The following ZMAT4 variants were observed in gnomAD, a reference collection of about 807,000 sequenced individuals.
ZMAT4 encodes zinc finger matrin-type 4, also known as zinc finger matrin-type protein 4.
A neutral mutation model predicts 28.7 loss-of-function variants in ZMAT4; 17 were observed. The observed-to-expected ratio is 0.59, with a 90% CI of 0.41 to 0.89. The LOEUF is 0.89. Ranked by LOEUF, ZMAT4 falls within the 40% of genes least tolerant of loss-of-function variation. The pLI is 0.00. For synonymous variants in ZMAT4, 117 were observed against 109.2 expected, an observed-to-expected ratio of 1.07 and a Z score of -0.44; for missense variants, 240 against 283.8, an observed-to-expected ratio of 0.85 and a Z score of 1.11.
At chr8:40,717,392 C>T (rs1317983852) in intron 3 of ZMAT4, among the ~76,000 whole-genome samples, 3 of 152,112 alleles carry the variant, frequency 2.0e-5, no homozygotes, top group East Asian at 1.9e-4. Flanking sequence ...CAGTGGCTCA[C>T]GCCTGTAATC....
intron 2 of ZMAT4, among the ~76,000 whole-genome samples, chr8:40,787,807 G>C (rs1286873202): frequency 6.6e-6 from 1 of 152,166 alleles, no homozygotes; most frequent in African/African-American, 2.4e-5. Context: ...TGGATGGTGT[G>C]AGGTTTCATG....
chr8:40,679,597 A>C (rs1198971286), intron 4 of ZMAT4, among the ~76,000 whole-genome samples: 1 of 152,210 alleles, frequency 6.6e-6, no homozygotes, highest in African/African-American at 2.4e-5. Flanking sequence ...CACTATCACT[A>C]GAACAACAGT....
intron 3 of ZMAT4, among the ~76,000 whole-genome samples, chr8:40,760,054 C>T (rs2150554811): frequency 6.6e-6 from 1 of 152,226 alleles, no homozygotes; most frequent in East Asian, 1.9e-4. Flanking sequence ...GAACTTTGTC[C>T]CACTCTTATG....
At chr8:40,709,709 T>C (rs967816466) in intron 3 of ZMAT4, among the ~76,000 whole-genome samples, 1 of 152,190 alleles carries the variant, frequency 6.6e-6, no homozygotes, top group Non-Finnish European at 1.5e-5. Context: ...TTGATTTTAA[T>C]AACCAAAATG....
At chr8:40,754,193 T>C (rs1413080264) in intron 3 of ZMAT4, among the ~76,000 whole-genome samples, 2 of 150,126 alleles carry the variant, frequency 1.3e-5, no homozygotes, top group Non-Finnish European at 3.0e-5. Context: ...GAAAAAAGGT[T>C]TAACAAATGG....
At chr8:40,621,736 C>T (rs1452253537) in intron 5 of ZMAT4, among the ~76,000 whole-genome samples, 2 of 152,172 alleles carry the variant, frequency 1.3e-5, no homozygotes, top group African/African-American at 4.8e-5. Flanking sequence ...TGCACATTTC[C>T]TCTTTGGATT....
intron 1 of ZMAT4, among the ~76,000 whole-genome samples, chr8:40,881,598 G>GAAAGA (rs1563264173): frequency 1.1e-5 from 1 of 88,940 alleles, no homozygotes; most frequent in African/African-American, 4.4e-5. Context: ...AAGAAAGAAA[G>GAAAGA]AAAAGAAAAG....
intron 3 of ZMAT4, among the ~76,000 whole-genome samples, chr8:40,742,749 GCACACA>G (rs10533331): frequency 0.063 from 352 of 5,568 alleles, no homozygotes; most frequent in Admixed American, 0.12. Flanking sequence ...GTGCACGCAT[GCACACA>G]CACACACACA....
At chr8:40,811,361 C>T (rs1322819645) in intron 2 of ZMAT4, among the ~76,000 whole-genome samples, 1 of 152,188 alleles carries the variant, frequency 6.6e-6, no homozygotes, top group Non-Finnish European at 1.5e-5. Flanking sequence ...GATACATGAT[C>T]TGTGCAAGAC....
intron 1 of ZMAT4, among the ~76,000 whole-genome samples, chr8:40,865,463 G>A (rs151317490): frequency 6.6e-6 from 1 of 152,320 alleles, no homozygotes; most frequent in Non-Finnish European, 1.5e-5. Context: ...CTTCCAGGCA[G>A]GATGTGGCTT....
intron 5 of ZMAT4, among the ~76,000 whole-genome samples, chr8:40,606,786 C>T (rs1805605664): frequency 6.6e-6 from 1 of 152,194 alleles, no homozygotes; most frequent in Non-Finnish European, 1.5e-5. Flanking sequence ...TGATTATTCC[C>T]TCAAATATGT....
chr8:40,755,765 A>C (rs1319113402), intron 3 of ZMAT4, among the ~76,000 whole-genome samples: 1 of 152,124 alleles, frequency 6.6e-6, no homozygotes, highest in Non-Finnish European at 1.5e-5. Flanking sequence ...AATTTCATGT[A>C]ATTTTTATGA....
chr8:40,759,836 C>T (rs1812853277), intron 3 of ZMAT4, among the ~76,000 whole-genome samples: 2 of 152,196 alleles, frequency 1.3e-5, no homozygotes. Context: ...CAAAGACCAA[C>T]CTTTCCCCAA....
intron 5 of ZMAT4, among the ~76,000 whole-genome samples, chr8:40,588,393 A>G (rs917768542): frequency 1.3e-5 from 2 of 152,094 alleles, no homozygotes; most frequent in African/African-American, 4.8e-5. Context: ...CAGAACTTGT[A>G]TCCAGAATAT....
intron 6 of ZMAT4, among the ~76,000 whole-genome samples, chr8:40,577,958 C>G (rs1027055394): frequency 6.6e-6 from 1 of 151,866 alleles, no homozygotes; most frequent in African/African-American, 2.4e-5. Context: ...TAAACAAACG[C>G]TGGTATATAC....
intron 5 of ZMAT4, among the ~76,000 whole-genome samples, chr8:40,659,411 C>A (rs1808086309): frequency 6.6e-6 from 1 of 152,116 alleles, no homozygotes; most frequent in African/African-American, 2.4e-5. Context: ...TACAGTTTGT[C>A]CAGACTCAAG....
intron 4 of ZMAT4, among the ~76,000 whole-genome samples, chr8:40,687,517 T>C (rs1016175251): frequency 3.9e-5 from 6 of 152,200 alleles, no homozygotes; most frequent in African/African-American, 1.4e-4. Flanking sequence ...TCAAGATTCA[T>C]GAACTTCTAG....
At chr8:40,666,457 A>T (rs1452020310) in intron 5 of ZMAT4, among the ~76,000 whole-genome samples, 1 of 152,128 alleles carries the variant, frequency 6.6e-6, no homozygotes, top group African/African-American at 2.4e-5. Context: ...TTTTATTTTT[A>T]AAAATTTGAT....
intron 1 of ZMAT4, among the ~76,000 whole-genome samples, chr8:40,826,654 C>T (rs1262809677): frequency 1.3e-5 from 2 of 152,064 alleles, no homozygotes; most frequent in African/African-American, 4.8e-5. Context: ...CACGGGGAGA[C>T]CTCACTATTC....
Sources: allele counts gnomAD v4.1 joint callset (sites outside exome capture counted in the v4.1 genomes callset), GRCh38; gene constraint gnomAD v4.1.1; transcripts MANE v1.5; gene names NCBI Gene and HGNC (gene_info 2026-07-23, HGNC 2026-07-21).